The following LRBA variants were observed in gnomAD, a reference collection of about 807,000 sequenced individuals.
LRBA encodes the protein lipopolysaccharide-responsive and beige-like anchor protein.
Under a neutral mutation model 330.0 loss-of-function variants are expected in LRBA, and 176 were observed. The observed-to-expected ratio is 0.53, with a 90% CI of 0.47 to 0.60. The LOEUF (loss-of-function observed/expected upper bound fraction) is 0.60. Ranked by LOEUF, LRBA falls within the 20% of genes least tolerant of loss-of-function variation. LRBA has a pLI of 0.00. For synonymous variants in LRBA, 1,230 were observed against 1,193.0 expected (o/e 1.03, Z -0.64); for missense variants, 3,259 against 3,444.8 (o/e 0.95, Z 1.35).
intron 2 of LRBA, among the ~76,000 whole-genome samples, chr4:150,969,325 C>A (rs1166075366): frequency 6.6e-6 from 1 of 152,122 alleles, no homozygotes; most frequent in Non-Finnish European, 1.5e-5. Flanking sequence ...AAACAGAAAA[C>A]CTTCTGAAAA....
intron 35 of LRBA, among the ~76,000 whole-genome samples, chr4:150,738,479 A>T (rs928422424): frequency 6.6e-6 from 1 of 152,174 alleles, no homozygotes; most frequent in Non-Finnish European, 1.5e-5. Context: ...GCCAACCAAC[A>T]TACTTCACAA....
intron 36 of LRBA, among the ~76,000 whole-genome samples, chr4:150,722,058 C>T (rs1304070987): frequency 2.0e-5 from 3 of 152,166 alleles, no homozygotes; most frequent in Non-Finnish European, 4.4e-5. Flanking sequence ...TGATCATCTG[C>T]TGTGGCAGCA....
chr4:150,327,127 A>T lies in LRBA; in HGVS notation c.7363-1229T>A, dbSNP rs1733380527. Among the ~76,000 whole-genome samples, 6 of 152,298 alleles carry T rather than the reference A, an allele frequency of 3.9e-5. No individual in the cohort carries two copies. In the South Asian group the frequency reaches 1.2e-3, roughly 32 times the overall value. ...GACTTAGTTTATGAATGAGAACTTT[A>T]TATCTTTTTGAAGAACAGCTGGTAA... On this transcript the variant is annotated intron_variant, in intron 48 of 56. Transcript: ENST00000651943.
At chr4:150,489,100 A>G (rs1181435803) in intron 41 of LRBA, among the ~76,000 whole-genome samples, 1 of 12,602 alleles carries the variant, frequency 7.9e-5, no homozygotes, top group African/African-American at 1.9e-4. Flanking sequence ...AGAATATACA[A>G]TATATTATAT....
At chr4:150,798,949 T>C (rs543403631) in intron 33 of LRBA, among the ~76,000 whole-genome samples, 1 of 152,312 alleles carries the variant, frequency 6.6e-6, no homozygotes, top group Admixed American at 6.5e-5. Flanking sequence ...TTCCAGGGTA[T>C]AACATCTAAA....
At chr4:150,815,314 C>G (rs559515880) in intron 31 of LRBA, among the ~76,000 whole-genome samples, 1 of 148,858 alleles carries the variant, frequency 6.7e-6, no homozygotes. Context: ...TGTGCATACC[C>G]AGCTCCAAAT....
At chr4:150,870,370 A>G (rs1344642721) in intron 20 of LRBA, among the ~76,000 whole-genome samples, 155 bp downstream of exon 20, 1 of 152,238 alleles carries the variant, frequency 6.6e-6, no homozygotes, top group East Asian at 1.9e-4. Flanking sequence ...GGAATACTCA[A>G]TATAAAACCC....
At chr4:150,555,232 T>C (rs1767141231) in intron 40 of LRBA, among the ~76,000 whole-genome samples, 1 of 152,166 alleles carries the variant, frequency 6.6e-6, no homozygotes, top group African/African-American at 2.4e-5. Flanking sequence ...AGAAATGCTA[T>C]CACCCACACA....
At chr4:150,844,876 AT>A in intron 26 of LRBA, 97 bp from the exon 27 acceptor site, 1 of 1,010,732 alleles carries the variant, frequency 9.9e-7, no homozygotes, top group Non-Finnish European at 1.5e-6. Flanking sequence ...TTTACATAAG[AT>A]TTTATTCAAA....
Position 150,281,295 on chromosome 4 carries a change from G to A in LRBA, c.8316+1155C>T, listed in dbSNP as rs150856097. Among the ~76,000 whole-genome samples, 273 of 152,278 alleles carry A rather than the reference G, an allele frequency of 1.8e-3. 2 individuals are homozygous for A. The highest frequency in any genetic ancestry group is 6.2e-3 in the African/African-American group (259 of 41,554). On this transcript the variant is annotated intron_variant, in intron 55 of 56. Transcript: ENST00000651943. ...TGGGAAGGTAGGGAAAAATAAAAGC[G>A]AGTACGAGTGTGTCTCTGTGCGTGC...
At chr4:150,334,387 T>C (rs1053647045) in intron 48 of LRBA, among the ~76,000 whole-genome samples, 1 of 152,176 alleles carries the variant, frequency 6.6e-6, no homozygotes, top group Non-Finnish European at 1.5e-5. Flanking sequence ...GAAGTGATTC[T>C]ATGTAAATTT....
chr4:150,405,338 G>A (rs1746038998), intron 47 of LRBA, among the ~76,000 whole-genome samples: 1 of 152,168 alleles, frequency 6.6e-6, no homozygotes, highest in South Asian at 2.1e-4. Context: ...CTCCATTTAA[G>A]AGGCAAAGAA....
intron 38 of LRBA, among the ~76,000 whole-genome samples, chr4:150,593,933 TCC>T: frequency 6.6e-6 from 1 of 152,122 alleles, no homozygotes; most frequent in Non-Finnish European, 1.5e-5. Flanking sequence ...AATTATCCCT[TCC>T]AATTGCAATT....
chr4:150,955,940 A>C (rs113748098), intron 2 of LRBA, among the ~76,000 whole-genome samples: 1 of 149,102 alleles, frequency 6.7e-6, no homozygotes, highest in African/African-American at 2.6e-5. Context: ...CTACAAAAGA[A>C]GCGCATAGTA....
At chr4:150,859,085 T>G (rs1399090746) in intron 22 of LRBA, among the ~76,000 whole-genome samples, 2 of 152,178 alleles carry the variant, frequency 1.3e-5, no homozygotes, top group African/African-American at 2.4e-5. Flanking sequence ...TGACTGAAAT[T>G]TATACTTCAG....
chr4:150,627,244 C>T (rs1776947504), intron 37 of LRBA, among the ~76,000 whole-genome samples: 1 of 151,800 alleles, frequency 6.6e-6, no homozygotes, highest in Non-Finnish European at 1.5e-5. Context: ...AATAATAAAA[C>T]TTCAATATAA....
chr4:150,750,913 T>TAA (rs34872494), intron 35 of LRBA, among the ~76,000 whole-genome samples: 6 of 137,598 alleles, frequency 4.4e-5, no homozygotes, highest in East Asian at 2.1e-4. Context: ...GAAAAATCTT[T>TAA]AAAAAAAAAA....
chr4:150,675,532 C>T (rs911385515), intron 37 of LRBA, among the ~76,000 whole-genome samples: 2 of 151,824 alleles, frequency 1.3e-5, no homozygotes, highest in African/African-American at 4.8e-5. Context: ...GCCTGGCGAA[C>T]ATGGTGAAAC....
chr4:150,703,748 T>G (rs896926358), intron 36 of LRBA, among the ~76,000 whole-genome samples: 1 of 151,154 alleles, frequency 6.6e-6, no homozygotes, highest in Non-Finnish European at 1.5e-5. Flanking sequence ...GACCCTTACA[T>G]AAGAAAATCT....
Sources: allele counts gnomAD v4.1 joint callset (sites outside exome capture counted in the v4.1 genomes callset), GRCh38; gene constraint gnomAD v4.1.1; transcripts MANE v1.5; gene names NCBI Gene and HGNC (gene_info 2026-07-23, HGNC 2026-07-21).